NHLRC2: variants seen among roughly 807,000 people sequenced by gnomAD.
NHLRC2 encodes NHL repeat-containing protein 2.
A neutral mutation model predicts 68.1 loss-of-function variants in NHLRC2; 33 were observed. The ratio of observed to expected loss-of-function variants is 0.48; its 90% CI spans 0.37 to 0.65. The LOEUF (loss-of-function observed/expected upper bound fraction) is 0.65, where lower values mean the gene tolerates loss of function less well. NHLRC2 is among the 30% of genes least tolerant of loss of function. The probability of loss-of-function intolerance (pLI) is 0.00; values close to 1 mark genes in which losing one functional copy is unlikely to be tolerated. For synonymous variants in NHLRC2, 311 were observed against 309.6 expected (o/e 1.00, Z -0.05); for missense variants, 761 against 853.8 (o/e 0.89, Z 1.35).
Position 113,915,342 on chromosome 10 carries a change from T to C in NHLRC2, c.*6806T>C, listed in dbSNP as rs1470524316. On this transcript the variant is annotated 3_prime_UTR_variant, in exon 11 of 11. Transcript: ENST00000369301. Reference sequence around the variant, plus strand: ...AATAGCCTTATACCAAAAAGCATTCTTGTAACTGTCAGGGCATGGTATGAA... The same window carrying C: ...AATAGCCTTATACCAAAAAGCATTCCTGTAACTGTCAGGGCATGGTATGAA... 4.9e-6 allele frequency: 2 copies of C among 411,564 alleles called. No homozygotes were observed. Among genetic ancestry groups the C allele is most frequent in the Admixed American group, 5.3e-5 (2 of 37,568 alleles). The allele number at this position is 411,564 out of a possible 1,614,324, so 25.5% of individuals were successfully genotyped here.
intron 6 of NHLRC2, among the ~76,000 whole-genome samples, chr10:113,898,442 C>G (rs1175177289): frequency 1.3e-5 from 2 of 152,182 alleles, no homozygotes; most frequent in Non-Finnish European, 2.9e-5. Flanking sequence ...CTGGAGCTTT[C>G]GGGAGCTTCG....
At chr10:113,890,530 C>A (rs769477134) in intron 5 of NHLRC2, among the ~76,000 whole-genome samples, 1 of 152,142 alleles carries the variant, frequency 6.6e-6, no homozygotes, top group Admixed American at 6.5e-5. Flanking sequence ...TCAAGAAATT[C>A]TCACTCATTA....
At chr10:113,868,545 C>T (rs1036754513) in intron 2 of NHLRC2, among the ~76,000 whole-genome samples, 2 of 152,116 alleles carry the variant, frequency 1.3e-5, no homozygotes, top group African/African-American at 2.4e-5. Context: ...GTTTATTATA[C>T]AGATTTATAA....
intron 2 of NHLRC2, among the ~76,000 whole-genome samples, chr10:113,860,010 AT>A (rs1362106213): frequency 6.6e-6 from 1 of 152,206 alleles, no homozygotes; most frequent in African/African-American, 2.4e-5. Flanking sequence ...CAGGTAAATA[AT>A]TTAGTGTGGC....
chr10:113,901,292 C>T (rs565387044), intron 6 of NHLRC2, among the ~76,000 whole-genome samples: 4 of 151,988 alleles, frequency 2.6e-5, no homozygotes, highest in South Asian at 2.1e-4. Flanking sequence ...GTTCCCTTTC[C>T]GAACCTCATA....
At chr10:113,875,634 T>G (rs914427431) in intron 2 of NHLRC2, among the ~76,000 whole-genome samples, 10 of 152,224 alleles carry the variant, frequency 6.6e-5, no homozygotes, top group Admixed American at 2.6e-4. Context: ...TTGGCCCTGC[T>G]GTACAATCTA....
At chr10:113,889,540 T>C (rs894362337) in intron 5 of NHLRC2, among the ~76,000 whole-genome samples, 3 of 152,192 alleles carry the variant, frequency 2.0e-5, no homozygotes, top group African/African-American at 7.2e-5. Flanking sequence ...TACTGCCTTA[T>C]CACATTGACT....
rs773936843 is a variant in NHLRC2, at chr10:113,901,886, A to G, written c.1360A>G (p.Arg454Gly). 1.2e-6 allele frequency: 2 copies of G among 1,610,172 alleles called. No homozygotes were observed. The highest frequency in any genetic ancestry group is 1.7e-6 in the Non-Finnish European group (2 of 1,176,422). ...AGTGAAGCACCTCGTAGGAGGAGAA[A>G]GAGACCCCATGGTAATGACAGTCAC... Reference protein sequence around the residue: ...GAVKHLVGGERDPMNLFAFGD... With the variant: ...GAVKHLVGGEGDPMNLFAFGD... The change falls in exon 7 of 11, where the codon AGA (arginine) becomes GGA (glycine). Residue 454 changes from arginine to glycine, a missense_variant. Transcript: ENST00000369301.
At chr10:113,867,008 A>G (rs529031024) in intron 2 of NHLRC2, among the ~76,000 whole-genome samples, 114 of 152,292 alleles carry the variant, frequency 7.5e-4, no homozygotes, top group African/African-American at 2.4e-3. Context: ...CAACCAGAGA[A>G]GCTTAGAAAT....
intron 5 of NHLRC2, among the ~76,000 whole-genome samples, chr10:113,895,290 A>T (rs1246044330): frequency 6.6e-6 from 1 of 152,258 alleles, no homozygotes; most frequent in African/African-American, 2.4e-5. Context: ...AGCATTTGGC[A>T]TGTGCCAGGC....
chr10:113,881,777 G>A (rs114687443), intron 4 of NHLRC2, among the ~76,000 whole-genome samples: 113 of 151,672 alleles, frequency 7.5e-4, no homozygotes, highest in African/African-American at 2.3e-3. Flanking sequence ...AATTTAACAG[G>A]TTTTGCAACT....
intron 2 of NHLRC2, 113 bp from the exon 3 acceptor site, chr10:113,876,407 GT>G (rs1222803742): frequency 1.7e-4 from 98 of 578,594 alleles, no homozygotes; most frequent in South Asian, 2.7e-4. Flanking sequence ...TCTACTTTTC[GT>G]TTTTTTTTAA....
chr10:113,883,258 T>G (rs1210642436), intron 4 of NHLRC2, among the ~76,000 whole-genome samples: 1 of 151,928 alleles, frequency 6.6e-6, no homozygotes, highest in East Asian at 1.9e-4. Context: ...CTTTTGATTT[T>G]TAAACTTCCT....
intron 2 of NHLRC2, among the ~76,000 whole-genome samples, chr10:113,861,809 A>T (rs1845818698): frequency 6.6e-6 from 1 of 152,214 alleles, no homozygotes; most frequent in Non-Finnish European, 1.5e-5. Context: ...TACATGATTT[A>T]AGAGACTACT....
At chr10:113,886,084 A>G (rs374375540) in intron 5 of NHLRC2, among the ~76,000 whole-genome samples, 1 of 152,114 alleles carries the variant, frequency 6.6e-6, no homozygotes, top group African/African-American at 2.4e-5. Flanking sequence ...TAGTGTTTCT[A>G]TATACTAACA....
chr10:113,862,736 A>G (rs976175489), intron 2 of NHLRC2, among the ~76,000 whole-genome samples: 3 of 152,254 alleles, frequency 2.0e-5, no homozygotes, highest in Non-Finnish European at 4.4e-5. Context: ...ATGGAAAAGG[A>G]TATTGTATGC....
intron 5 of NHLRC2, among the ~76,000 whole-genome samples, chr10:113,886,533 C>A (rs866141461): frequency 6.6e-6 from 1 of 152,086 alleles, no homozygotes; most frequent in Non-Finnish European, 1.5e-5. Context: ...TATAAAAACA[C>A]ACATATCAAC....
At chr10:113,901,944 T>G in intron 7 of NHLRC2, 47 bp downstream of exon 7, 1 of 1,261,728 alleles carries the variant, frequency 7.9e-7, no homozygotes, top group African/African-American at 1.5e-5. Context: ...CTGAGCAAGC[T>G]GTCAATTTTG....
chr10:113,879,614 A>G lies in NHLRC2; in HGVS notation c.828A>G (p.Ser276=), dbSNP rs745478072. The change falls in exon 4 of 11, where the codon TCA becomes TCG. Residue 276 remains serine, a synonymous_variant. Coordinates refer to ENST00000369301, the MANE Select transcript of NHLRC2 (RefSeq NM_198514.4). The part of the protein sequence containing the change: ...PGRKDGIFSE[S]TFNSPQGVAI... ...GAAAAGATGGAATATTTTCAGAATC[A>G]ACTTTTAATTCTCCACAGGGTGTAG... 6 of 1,599,028 alleles carry G rather than the reference A, an allele frequency of 3.8e-6. No homozygotes were observed. Among genetic ancestry groups the G allele is most frequent in the East Asian group, 2.3e-5 (1 of 44,374 alleles).
Sources: allele counts gnomAD v4.1 joint callset (sites outside exome capture counted in the v4.1 genomes callset), GRCh38; gene constraint gnomAD v4.1.1; transcripts MANE v1.5; gene names NCBI Gene and HGNC (gene_info 2026-07-23, HGNC 2026-07-21).